ARHGAP6: variants seen among roughly 807,000 people sequenced by gnomAD.
ARHGAP6 encodes the protein Rho GTPase activating protein 6.
Under a neutral mutation model 55.7 loss-of-function variants are expected in ARHGAP6, and 16 were observed. The observed-to-expected ratio is 0.29, with a 90% CI of 0.19 to 0.44. The LOEUF is 0.44. ARHGAP6 is among the 20% of genes least tolerant of loss of function. ARHGAP6 has a pLI of 1.00. For synonymous variants in ARHGAP6, 382 were observed against 360.9 expected (o/e 1.06, Z -0.66); for missense variants, 698 against 808.9 (o/e 0.86, Z 1.66).
At chrX:11,518,052 A>G (rs2050863548) in intron 1 of ARHGAP6, among the ~76,000 whole-genome samples, 1 of 111,920 alleles carries the variant, frequency 8.9e-6, no homozygotes, top group Non-Finnish European at 1.9e-5. Context: ...TTAACCTAAC[A>G]TTTTAAAACC....
At chrX:11,590,867 AAGG>A (rs766052110) in intron 1 of ARHGAP6, among the ~76,000 whole-genome samples, 52 of 54,875 alleles carry the variant, frequency 9.5e-4, no homozygotes, top group African/African-American at 1.1e-3. Context: ...AAAAGAAAAG[AAGG>A]AAAGAAAGAA....
At chrX:11,336,181 GA>G (rs1230489616) in intron 1 of ARHGAP6, among the ~76,000 whole-genome samples, 1 of 111,690 alleles carries the variant, frequency 9.0e-6, no homozygotes, top group Non-Finnish European at 1.9e-5. Context: ...AGCACACAGA[GA>G]ATGCCTCTGT....
At chrX:11,355,890 G>T (rs1263273286) in intron 1 of ARHGAP6, among the ~76,000 whole-genome samples, 1 of 110,898 alleles carries the variant, frequency 9.0e-6, no homozygotes, top group Non-Finnish European at 1.9e-5. Flanking sequence ...TAGTTCCCAT[G>T]ATAAATGAAT....
chrX:11,482,850 G>T (rs980044722), intron 1 of ARHGAP6, among the ~76,000 whole-genome samples: 2 of 111,312 alleles, frequency 1.8e-5, no homozygotes, highest in Non-Finnish European at 3.8e-5. Context: ...GGGTAATCCC[G>T]ATGGGGAACA....
intron 1 of ARHGAP6, among the ~76,000 whole-genome samples, chrX:11,598,543 T>C (rs2051930935): frequency 9.0e-6 from 1 of 111,499 alleles, no homozygotes; most frequent in Non-Finnish European, 1.9e-5. Context: ...ATTCTTCCCA[T>C]GTTTATGTCC....
chrX:11,209,096 A>C (rs749745296), intron 2 of ARHGAP6, among the ~76,000 whole-genome samples: 24 of 112,275 alleles, frequency 2.1e-4, no homozygotes, highest in Admixed American at 1.9e-3. Flanking sequence ...AAAATAATTC[A>C]GATAATCACT....
At chrX:11,222,400 A>T (rs2046985198) in intron 2 of ARHGAP6, among the ~76,000 whole-genome samples, 1 of 111,866 alleles carries the variant, frequency 8.9e-6, no homozygotes, top group Non-Finnish European at 1.9e-5. Flanking sequence ...TACATCGACC[A>T]CTATAGATGG....
rs1032853861 is a variant in ARHGAP6, at chrX:11,515,642, T to C, written c.588+148599A>G. ...TTAATGTTTCATTTTTATTTATTTT[T>C]CTTCTAAAACATATTTTTTATTAAA... On this transcript the variant is annotated intron_variant, in intron 1 of 12. Coordinates refer to ENST00000337414, the MANE Select transcript of ARHGAP6 (RefSeq NM_013427.3). 4.4e-5 allele frequency among the ~76,000 whole-genome samples: 5 copies of C among 112,425 alleles called. No individual in the cohort carries two copies. The East Asian group carries it at 1.4e-3, about 31-fold the overall frequency.
intron 2 of ARHGAP6, among the ~76,000 whole-genome samples, chrX:11,233,296 G>A (rs972202544): frequency 7.1e-5 from 8 of 111,972 alleles, no homozygotes; most frequent in East Asian, 2.8e-4. Context: ...AGTTCACCCC[G>A]CCATTTGCCT....
At chrX:11,158,297 A>C (rs2045891996) in intron 9 of ARHGAP6, among the ~76,000 whole-genome samples, 1 of 111,497 alleles carries the variant, frequency 9.0e-6, no homozygotes, top group African/African-American at 3.3e-5. Flanking sequence ...CTAAGAGAGG[A>C]TACAGGGCCT....
intron 4 of ARHGAP6, among the ~76,000 whole-genome samples, chrX:11,187,686 T>C (rs922800273): frequency 9.0e-6 from 1 of 111,575 alleles, no homozygotes; most frequent in Non-Finnish European, 1.9e-5. Context: ...TGTCTGGGGT[T>C]TTAACTAGGG....
chrX:11,271,671 T>C (rs1177692799), intron 1 of ARHGAP6, among the ~76,000 whole-genome samples: 1 of 112,111 alleles, frequency 8.9e-6, no homozygotes, highest in Non-Finnish European at 1.9e-5. Context: ...TAATTTATCC[T>C]ATTAAACTCT....
At chrX:11,367,572 AG>A (rs2049097584) in intron 1 of ARHGAP6, among the ~76,000 whole-genome samples, 1 of 112,497 alleles carries the variant, frequency 8.9e-6, no homozygotes, top group African/African-American at 3.2e-5. Flanking sequence ...TAAAGTTTTA[AG>A]TGAGCTTGTT....
chrX:11,306,692 G>A (rs1259985634), intron 1 of ARHGAP6, among the ~76,000 whole-genome samples: 1 of 111,939 alleles, frequency 8.9e-6, no homozygotes, highest in Non-Finnish European at 1.9e-5. Context: ...TTCGTCATCC[G>A]CCTCTAGGAT....
At chrX:11,428,672 G>A (rs1054488254) in intron 1 of ARHGAP6, among the ~76,000 whole-genome samples, 9 of 111,792 alleles carry the variant, frequency 8.1e-5, no homozygotes, top group African/African-American at 2.9e-4. Flanking sequence ...TACTGAACCG[G>A]CTGAATGACT....
intron 1 of ARHGAP6, among the ~76,000 whole-genome samples, chrX:11,444,914 T>G (rs2050077603): frequency 8.9e-6 from 1 of 111,831 alleles, no homozygotes; most frequent in Non-Finnish European, 1.9e-5. Flanking sequence ...AATGACTGCT[T>G]TCAAACCACT....
chrX:11,217,217 T>C (rs1446778036), intron 2 of ARHGAP6, among the ~76,000 whole-genome samples: 1 of 111,969 alleles, frequency 8.9e-6, no homozygotes, highest in Admixed American at 9.5e-5. Context: ...TTATAATCCT[T>C]TGGGTATATA....
Position 11,188,812 on chromosome X carries a change from G to A in ARHGAP6, c.993C>T (p.Asn331=). The change falls in exon 4 of 13, where the codon AAC becomes AAT. Residue 331 remains asparagine (N), a synonymous_variant. Transcript: ENST00000337414. The part of the protein sequence containing the change: ...KRQNKELSSS[N]SSLSSTSETP... ...TTTCTGAGGTTGAGCTGAGAGATGA[G>A]TTACTGCTTGAGAGTTCTTTGTTTT... The A allele has an allele frequency of 8.3e-7, 1 of 1,211,792 alleles. No individual in the cohort carries two copies. The highest frequency in any genetic ancestry group is 1.1e-6 in the Non-Finnish European group (1 of 895,540).
chrX:11,462,037 G>A (rs2050250386), intron 1 of ARHGAP6, among the ~76,000 whole-genome samples: 1 of 112,132 alleles, frequency 8.9e-6, no homozygotes, highest in Non-Finnish European at 1.9e-5. Context: ...ATTAAAGCAA[G>A]GCTGCTTTCC....
Sources: gnomAD v4.1 joint callset for allele counts (sites outside exome capture counted in the v4.1 genomes callset) on GRCh38, gnomAD v4.1.1 for gene constraint, MANE v1.5 for transcripts, NCBI Gene and HGNC (gene_info 2026-07-23, HGNC 2026-07-21) for gene names.